Variants in SYT16 observed in about 807,000 individuals in gnomAD.
SYT16 encodes the protein synaptotagmin-16.
A neutral mutation model predicts 61.4 loss-of-function variants in SYT16; 42 were observed. That is an observed-to-expected ratio of 0.68 (90% CI 0.53 to 0.89). The LOEUF is 0.89. Ranked by LOEUF, SYT16 falls within the 40% of genes least tolerant of loss-of-function variation. SYT16 has a pLI of 0.00. For missense variants in SYT16, 804 were observed against 807.3 expected (o/e 1.00, Z 0.05); for synonymous variants, 314 against 302.3 (o/e 1.04, Z -0.40).
At chr14:61,999,956 T>C (rs2052927139) in intron 3 of SYT16, among the ~76,000 whole-genome samples, 1 of 151,730 alleles carries the variant, frequency 6.6e-6, no homozygotes, top group Admixed American at 6.6e-5. Flanking sequence ...TTAAGGTTTG[T>C]TTTATTACCC....
At chr14:62,015,674 A>G (rs1393914241) in intron 3 of SYT16, among the ~76,000 whole-genome samples, 2 of 152,188 alleles carry the variant, frequency 1.3e-5, no homozygotes, top group African/African-American at 2.4e-5. Context: ...CTTATAAAAG[A>G]GGCCCCAGAA....
intron 3 of SYT16, among the ~76,000 whole-genome samples, chr14:62,050,346 C>T (rs2055216984): frequency 6.6e-6 from 1 of 152,184 alleles, no homozygotes; most frequent in Non-Finnish European, 1.5e-5. Flanking sequence ...GACTTCTCTG[C>T]ATTGGTTATT....
At chr14:61,901,157 C>T (rs532547224) in intron 1 of SYT16, among the ~76,000 whole-genome samples, 104 of 152,318 alleles carry the variant, frequency 6.8e-4, no homozygotes, top group African/African-American at 2.3e-3. Context: ...TGTCTTTGCA[C>T]TATCTGCTCT....
At chr14:61,812,955 G>C (rs2045314464) in intron 1 of SYT16, 145 bp downstream of exon 1, 1 of 152,346 alleles carries the variant, frequency 6.6e-6, no homozygotes, top group African/African-American at 2.4e-5. Flanking sequence ...TGGCTGCCTG[G>C]CGGGGCTTGA....
At chr14:61,851,274 T>C (rs1182902789) in intron 1 of SYT16, among the ~76,000 whole-genome samples, 1 of 152,196 alleles carries the variant, frequency 6.6e-6, no homozygotes, top group Admixed American at 6.5e-5. Flanking sequence ...TATTCCATGG[T>C]GTATATGTAC....
chr14:62,011,115 A>G (rs1482527604), intron 3 of SYT16, among the ~76,000 whole-genome samples: 1 of 152,210 alleles, frequency 6.6e-6, no homozygotes, highest in African/African-American at 2.4e-5. Context: ...CAATTGAACT[A>G]AACTCAAATT....
rs552205753 is a variant in SYT16 at position 62,014,823 on chromosome 14, A to G, written c.523+18281A>G. Reference sequence around the variant, plus strand: ...CATTTTAAAGTCTGCATCAGATTTCATATTTTCTCATACAAAAAGCCTTCC... The same window carrying G: ...CATTTTAAAGTCTGCATCAGATTTCGTATTTTCTCATACAAAAAGCCTTCC... On this transcript the variant is annotated intron_variant, in intron 3 of 7. Transcript: ENST00000683842. 2.0e-4 allele frequency among the ~76,000 whole-genome samples: 31 copies of G among 152,302 alleles called. 2 individuals are homozygous for G. The highest frequency in any genetic ancestry group is 2.0e-3 in the Admixed American group (31 of 15,290).
chr14:61,984,578 A>T (rs1476459275), intron 2 of SYT16, among the ~76,000 whole-genome samples: 1 of 152,184 alleles, frequency 6.6e-6, no homozygotes, highest in Non-Finnish European at 1.5e-5. Context: ...TTTTAGTTGA[A>T]TATAAACTGA....
In SYT16 at chr14:61,995,920, C is replaced by G. The variant is rs1474794999; in HGVS notation, c.-100C>G. 1 of 1,259,584 alleles carries G rather than the reference C, an allele frequency of 7.9e-7. No individual in the cohort carries two copies. Among genetic ancestry groups the G allele is most frequent in the African/African-American group, 1.5e-5 (1 of 66,488 alleles). The allele number at this position is 1,259,584 out of a possible 1,614,324, so 78.0% of individuals were successfully genotyped here. On this transcript the variant is annotated 5_prime_UTR_variant, in exon 3 of 8. Coordinates refer to ENST00000683842, the MANE Select transcript of SYT16 (RefSeq NM_001367656.1). ...AATATTCACAGCCATTAAGAGACCTCCAAATTAATTTCTCAACATGCTTAT... is the reference window on the plus strand; with the variant it reads ...AATATTCACAGCCATTAAGAGACCTGCAAATTAATTTCTCAACATGCTTAT...
intron 6 of SYT16, among the ~76,000 whole-genome samples, chr14:62,083,468 G>T (rs1487984757): frequency 2.0e-5 from 3 of 152,146 alleles, no homozygotes; most frequent in African/African-American, 7.2e-5. Context: ...GCCTGGTGGG[G>T]AAGTGTAGGT....
intron 6 of SYT16, 58 bp downstream of exon 6, chr14:62,081,332 C>A: frequency 6.5e-7 from 1 of 1,527,636 alleles, no homozygotes; most frequent in South Asian, 1.3e-5. Context: ...CTGGGATTGT[C>A]AGCCCTTGAT....
chr14:62,003,593 A>C (rs891075165), intron 3 of SYT16, among the ~76,000 whole-genome samples: 22 of 152,028 alleles, frequency 1.4e-4, no homozygotes, highest in African/African-American at 5.3e-4. Context: ...TTGTTGTTTA[A>C]AGAGTGGGAG....
At chr14:61,976,047 A>G (rs2051779356) in intron 2 of SYT16, among the ~76,000 whole-genome samples, 1 of 152,210 alleles carries the variant, frequency 6.6e-6, no homozygotes, top group Non-Finnish European at 1.5e-5. Context: ...AATGGGAGAA[A>G]TTGGCCAAAA....
chr14:61,974,606 A>G (rs1205840302), intron 2 of SYT16, among the ~76,000 whole-genome samples: 1 of 152,194 alleles, frequency 6.6e-6, no homozygotes, highest in East Asian at 1.9e-4. Context: ...AACTCACACC[A>G]GTGCCCAGAT....
At chr14:61,943,857 A>C (rs1202150154) in intron 1 of SYT16, among the ~76,000 whole-genome samples, 1 of 152,218 alleles carries the variant, frequency 6.6e-6, no homozygotes, top group African/African-American at 2.4e-5. Context: ...ACTCCTTTTC[A>C]AGATAATATT....
chr14:62,084,643 T>A (rs768062323), intron 7 of SYT16, among the ~76,000 whole-genome samples: 2 of 152,182 alleles, frequency 1.3e-5, no homozygotes, highest in African/African-American at 2.4e-5. Context: ...ATGAACAGCA[T>A]TTTCAGCAAC....
rs116204147 is a variant in SYT16, at chr14:61,930,147, T to A, written c.-324-39985T>A. Among the ~76,000 whole-genome samples, 495 of 152,248 alleles carry A rather than the reference T, an allele frequency of 3.3e-3. 4 individuals are homozygous for A. The highest frequency in any genetic ancestry group is 0.012 in the African/African-American group (480 of 41,552). ...GCTTATATTCATAAAGGCAGGCTTTTCTGTTCTTTCCATGTGATTCATACT... is the reference window on the plus strand; with the variant it reads ...GCTTATATTCATAAAGGCAGGCTTTACTGTTCTTTCCATGTGATTCATACT... On this transcript the variant is annotated intron_variant, in intron 1 of 7. Coordinates refer to ENST00000683842, the MANE Select transcript of SYT16 (RefSeq NM_001367656.1).
chr14:61,843,165 C>A lies in SYT16; in HGVS notation c.-325+30355C>A, dbSNP rs187805720. On this transcript the variant is annotated intron_variant, in intron 1 of 7. Transcript: ENST00000683842. ...TTTTTTTTGGAACCTCCCAACTGTT[C>A]TTCGTAGTTATTGTACTAATTTACA... is the stretch of plus-strand genomic sequence containing the variant. 3.1e-3 allele frequency among the ~76,000 whole-genome samples: 469 copies of A among 152,070 alleles called. 10 individuals carry two copies. Among genetic ancestry groups the A allele is most frequent in the Non-Finnish European group, 5.1e-4 (35 of 67,976 alleles).
At chr14:61,852,258 A>ATTCTG (rs2046640438) in intron 1 of SYT16, among the ~76,000 whole-genome samples, 1 of 151,954 alleles carries the variant, frequency 6.6e-6, no homozygotes, top group South Asian at 2.1e-4. Context: ...TGAGATGTCT[A>ATTCTG]TTCTGTTCCA....
Sources: gnomAD v4.1 joint callset for allele counts (sites outside exome capture counted in the v4.1 genomes callset) on GRCh38, gnomAD v4.1.1 for gene constraint, MANE v1.5 for transcripts, NCBI Gene and HGNC (gene_info 2026-07-23, HGNC 2026-07-21) for gene names.